The following MAPK15 variants were observed in gnomAD, a reference collection of about 807,000 sequenced individuals.
The protein encoded by MAPK15 is ERK-7.
A neutral mutation model predicts 60.8 loss-of-function variants in MAPK15; 61 were observed. The ratio of observed to expected loss-of-function variants is 1.00; its 90% confidence interval spans 0.82 to 1.24. The LOEUF (loss-of-function observed/expected upper bound fraction) is 1.24. Among genes scored for constraint, MAPK15 ranks in the 50% most tolerant of loss-of-function variants. The pLI is 0.00. For missense variants in MAPK15, 808 were observed against 741.1 expected, an observed-to-expected ratio of 1.09 and a Z score of -1.05; for synonymous variants, 356 against 319.9, an observed-to-expected ratio of 1.11 and a Z score of -1.21.
intron 4 of MAPK15, 54 bp from the exon 5 acceptor site, chr8:143,718,721 C>CGGGGGG: frequency 7.5e-6 from 6 of 796,198 alleles, no homozygotes; most frequent in East Asian, 5.5e-5. Flanking sequence ...CCACTCCCCC[C>CGGGGGG]AGGTTGCCCC....
chr8:143,716,599 G>A (rs917190723), intron 1 of MAPK15, among the ~76,000 whole-genome samples, 156 bp downstream of exon 1: 1 of 152,274 alleles, frequency 6.6e-6, no homozygotes. Context: ...GAGCCCCTTC[G>A]TGCCTCAGTT....
chr8:143,720,819 T>G lies in MAPK15; in HGVS notation c.896T>G (p.Leu299Arg). Residue 299 changes from leucine to arginine, a missense_variant, in exon 9 of 14, where the codon CTG becomes CGG. Leu to Arg is a moderately radical substitution (Grantham distance 102). Transcript: ENST00000338033. This position sits in a 1 kb window ranked among gnomAD's most constrained non-coding sequence, Gnocchi z 4.6. ...AAGCGGTTAAGCGCGACCCAGGCAC[T>G]GCAGCACCCCTACGTGCAGAGGTGG... ...PDKRLSATQA[L>R]QHPYVQRFHC... The G allele has an allele frequency of 6.2e-7, 1 of 1,613,118 alleles. No homozygotes were observed. Among genetic ancestry groups the G allele is most frequent in the Non-Finnish European group, 8.5e-7 (1 of 1,179,826 alleles).
intron 4 of MAPK15, 80 bp downstream of exon 4, chr8:143,718,382 C>T (rs6997797): frequency 1 from 1,272,822 of 1,276,686 alleles, 634,556 homozygotes; most frequent in South Asian, 1. Flanking sequence ...TGCGTGTCCC[C>T]CTGCGTGTCC....
chr8:143,721,256 G>A lies in MAPK15; in HGVS notation c.1049G>A (p.Ser350Asn). 6.2e-7 allele frequency: 1 copy of A among 1,612,500 alleles called. No homozygotes were observed. The highest frequency in any genetic ancestry group is 1.1e-5 in the South Asian group (1 of 90,852). The change falls in exon 11 of 14, where the codon AGC becomes AAC. Residue 350 changes from serine (S) to asparagine (N), a missense_variant. Coordinates refer to ENST00000338033, the MANE Select transcript of MAPK15 (RefSeq NM_139021.3). Reference sequence around the variant, plus strand: ...ATGATCCTGGAGTGTGGAGGCAGCAGCGGCACCTCGAGAGAGAAGGGCCCG... The same window carrying A: ...ATGATCCTGGAGTGTGGAGGCAGCAACGGCACCTCGAGAGAGAAGGGCCCG... ...YQMILECGGS[S>N]GTSREKGPEG... is the part of the protein sequence containing the mutation.
intron 2 of MAPK15, 56 bp from the exon 3 acceptor site, chr8:143,717,986 TCAGGA>T (rs781793098): frequency 1.9e-6 from 3 of 1,611,282 alleles, no homozygotes; most frequent in Non-Finnish European, 2.5e-6. Context: ...TTGGGTCCTC[TCAGGA>T]CATGGGCTTC....
At chr8:143,721,518 T>A (rs1286829114) in intron 11 of MAPK15, 31 bp from the exon 12 acceptor site, 5 of 1,612,780 alleles carry the variant, frequency 3.1e-6, no homozygotes, top group Non-Finnish European at 4.2e-6. Flanking sequence ...GTTGACCCAC[T>A]GACCCCGGGG....
Position 143,722,247 on chromosome 8 carries a change from T to A in MAPK15, c.1631T>A (p.Val544Glu), listed in dbSNP as rs199891092. 596 of 1,578,274 alleles carry A rather than the reference T, an allele frequency of 3.8e-4. 1 individual carries two copies. The highest frequency in any genetic ancestry group is 2.3e-5 in the Non-Finnish European group (27 of 1,162,160). Residue 544 changes from valine (V) to glutamate (E), a missense_variant, in exon 14 of 14, where the codon GTG becomes GAG. By Grantham distance (121) the Val-to-Glu change is moderately radical (BLOSUM62 -2). Transcript: ENST00000338033. Reference protein sequence around the residue: ...GHLPLLEGHHV With the variant: ...GHLPLLEGHHE ...CTGCCCCTGCTGGAGGGGCACCATG[T>A]GTGAGCCGCCCTACTCCCTTCACCT... is the stretch of plus-strand genomic sequence containing the variant.
At chr8:143,721,730 C>T (rs1554619938) in intron 12 of MAPK15, 22 bp from the exon 13 acceptor site, 1 of 1,613,520 alleles carries the variant, frequency 6.2e-7, no homozygotes, top group South Asian at 1.1e-5. Context: ...TTTCAGTGAC[C>T]CTGTGACATG....
intron 4 of MAPK15, 51 bp downstream of exon 4, chr8:143,718,353 C>CGCCG: frequency 1.3e-6 from 2 of 1,550,990 alleles, no homozygotes; most frequent in Non-Finnish European, 1.8e-6. Flanking sequence ...TCTGTCCTGA[C>CGCCG]GCCGTCTGCG....
chr8:143,717,904 T>C, intron 2 of MAPK15, 112 bp downstream of exon 2: 1 of 1,492,216 alleles, frequency 6.7e-7, no homozygotes, highest in Non-Finnish European at 9.3e-7. Flanking sequence ...GCAGATGTTC[T>C]GGCCTGTCTC....
In MAPK15 at chr8:143,721,622, T is replaced by C; in HGVS notation, c.1278T>C (p.Asn426=). 1 of 1,612,048 alleles carries C rather than the reference T, an allele frequency of 6.2e-7. No individual in the cohort carries two copies. Residue 426 remains asparagine, a synonymous_variant, in exon 12 of 14, where the codon AAT becomes AAC. Transcript: ENST00000338033. ...TGCTCCAAACTGCTCTCCTAGGGAATGGGGAAAGGCCCCCTGGGGCGAAGG... is the reference window on the plus strand; with the variant it reads ...TGCTCCAAACTGCTCTCCTAGGGAACGGGGAAAGGCCCCCTGGGGCGAAGG... ...APLLQTALLG[N]GERPPGAKEA... is the part of the protein sequence containing the mutation.
chr8:143,718,407 C>T, intron 4 of MAPK15, 105 bp downstream of exon 4: 3 of 1,046,850 alleles, frequency 2.9e-6, no homozygotes, highest in Non-Finnish European at 4.4e-6. Context: ...GCAGCTGGCC[C>T]ACAGTGGCTT....
Position 143,719,421 on chromosome 8 carries a change from C to A in MAPK15, c.660C>A (p.Gly220=). The change falls in exon 7 of 14, where the codon GGC becomes GGA. Residue 220 remains glycine, a synonymous_variant. Transcript: ENST00000338033. ...TGCGGGGGAGACCCCTGTTCCCCGG[C>A]ACGTCCACCCTCCACCAGCTGGAGC... ...EMLRGRPLFP[G]TSTLHQLELI... 6.2e-7 allele frequency: 1 copy of A among 1,611,154 alleles called. No homozygotes were observed. Among genetic ancestry groups the A allele is most frequent in the African/African-American group, 1.3e-5 (1 of 74,940 alleles).
At position 143,716,424 on chromosome 8, in the gene MAPK15, G is replaced by T. The variant is rs1229849959; in HGVS notation, c.47G>T (p.Arg16Met). The T allele has an allele frequency of 1.2e-6, 2 of 1,604,604 alleles. No homozygotes were observed. Among genetic ancestry groups the T allele is most frequent in the Non-Finnish European group, 1.7e-6 (2 of 1,176,598 alleles). Reference protein sequence around the residue: ...DPRIVRRYLLRRQLGQGAYGI... With the variant: ...DPRIVRRYLLMRQLGQGAYGI... Reference sequence around the variant, plus strand: ...CGCATTGTCCGGAGATACCTACTCAGGCGGCAGCTCGGGCAGGGGGTGAGT... The same window carrying T: ...CGCATTGTCCGGAGATACCTACTCATGCGGCAGCTCGGGCAGGGGGTGAGT... The change falls in exon 1 of 14, where the codon AGG (arginine) becomes ATG (methionine). Residue 16 changes from arginine (R) to methionine (M), a missense_variant. Physicochemically the swap from Arg to Met is moderately conservative, Grantham distance 91. Coordinates refer to ENST00000338033, the MANE Select transcript of MAPK15 (RefSeq NM_139021.3).
In MAPK15 at chr8:143,718,692, C is replaced by G. The variant is rs1268704616; in HGVS notation, c.287-83C>G. 3.6e-5 allele frequency: 47 copies of G among 1,296,406 alleles called. No homozygotes were observed. In the Middle Eastern group the frequency reaches 1.6e-3, roughly 44 times the overall value. 80.3% of individuals were successfully genotyped at this position (1,296,406 alleles called of 1,614,324 possible). A position where few individuals can be genotyped will look rare whatever the true frequency, so the allele number is the denominator to read the frequency against. ...GTGGGCTGGTTCAAAGTGGGACAGACCTGCCAGGTGCCCCTCTCCCACTCC... is the reference window on the plus strand; with the variant it reads ...GTGGGCTGGTTCAAAGTGGGACAGAGCTGCCAGGTGCCCCTCTCCCACTCC... On this transcript the variant is annotated intron_variant, in intron 4 of 13. Transcript: ENST00000338033.
intron 1 of MAPK15, among the ~76,000 whole-genome samples, chr8:143,716,920 G>A (rs1817834186): frequency 6.6e-6 from 1 of 152,084 alleles, no homozygotes; most frequent in Non-Finnish European, 1.5e-5. Flanking sequence ...GAGCATGTAA[G>A]CCTGTGTGTG....
intron 4 of MAPK15, 82 bp downstream of exon 4, chr8:143,718,384 T>C (rs1817898219): frequency 8.3e-7 from 1 of 1,211,346 alleles, no homozygotes; most frequent in East Asian, 2.4e-5. Context: ...CGTGTCCCCC[T>C]GCGTGTCCCT....
chr8:143,720,468 T>C lies in MAPK15; in HGVS notation c.779+181T>C, dbSNP rs1554619448. Reference sequence around the variant, plus strand: ...AAAGCAGGAGCCCCTCTGGTGCTCCTAGAGGGTGGCCCAGAGGAGCTGTGC... The same window carrying C: ...AAAGCAGGAGCCCCTCTGGTGCTCCCAGAGGGTGGCCCAGAGGAGCTGTGC... On this transcript the variant is annotated intron_variant, in intron 8 of 13. Transcript: ENST00000338033. The surrounding 1 kb of genome is among the most constrained non-coding windows in gnomAD (Gnocchi z 4.6). 3.5e-6 allele frequency: 5 copies of C among 1,448,730 alleles called. 1 individual carries two copies. The highest frequency in any genetic ancestry group is 2.9e-5 in the African/African-American group (2 of 69,666). The allele number at this position is 1,448,730 out of a possible 1,614,324, so 89.7% of individuals were successfully genotyped here.
In MAPK15 at chr8:143,721,047, C is replaced by G; in HGVS notation, c.965C>G (p.Pro322Arg). The part of the protein sequence containing the change: ...DEWAREADVR[P>R]RAHEGVQLSV... ...TGGGCACGAGAGGCAGATGTGCGGC[C>G]CCGGGCACACGAAGGGGTCCAGCTC... Residue 322 changes from proline (P) to arginine (R), a missense_variant, in exon 10 of 14, where the codon CCC (proline) becomes CGC (arginine). Pro to Arg is a moderately radical substitution (Grantham distance 103). Coordinates refer to ENST00000338033, the MANE Select transcript of MAPK15 (RefSeq NM_139021.3). 1.2e-6 allele frequency: 2 copies of G among 1,612,176 alleles called. No homozygotes were observed. Among genetic ancestry groups the G allele is most frequent in the Non-Finnish European group, 8.5e-7 (1 of 1,179,684 alleles).
Sources: allele counts gnomAD v4.1 joint callset (sites outside exome capture counted in the v4.1 genomes callset), GRCh38; gene constraint gnomAD v4.1.1; non-coding constraint Gnocchi (gnomAD v3.1); transcripts MANE v1.5; gene names NCBI Gene and HGNC (gene_info 2026-07-23, HGNC 2026-07-21).